Variants in NRXN3 observed in about 807,000 individuals in gnomAD.
The protein encoded by NRXN3 is neurexin 3.
In NRXN3, 32 loss-of-function variants were observed where a neutral mutation model predicts 137.6. The ratio of observed to expected loss-of-function variants is 0.23; its 90% CI spans 0.18 to 0.31. The LOEUF (loss-of-function observed/expected upper bound fraction) is 0.31, where lower values mean the gene tolerates loss of function less well. Ranked by LOEUF, NRXN3 falls within the 10% of genes least tolerant of loss-of-function variation. The pLI, the probability that NRXN3 is intolerant of heterozygous loss-of-function variation, is 1.00. For synonymous variants in NRXN3, 798 were observed against 784.5 expected (o/e 1.02, Z -0.29); for missense variants, 1,574 against 2,062.5 (o/e 0.76, Z 4.59).
At chr14:79,189,050 G>A (rs1410548831) in intron 15 of NRXN3, among the ~76,000 whole-genome samples, 1 of 151,920 alleles carries the variant, frequency 6.6e-6, no homozygotes, top group Non-Finnish European at 1.5e-5. Context: ...TATACCCAAA[G>A]GACTATAAAT....
At chr14:79,606,097 A>C (rs2098011095) in intron 16 of NRXN3, among the ~76,000 whole-genome samples, 1 of 152,148 alleles carries the variant, frequency 6.6e-6, no homozygotes, top group African/African-American at 2.4e-5. Context: ...AAGCCTCCAA[A>C]AACCCACTCA....
At chr14:78,204,750 G>A (rs915457319) in intron 1 of NRXN3, among the ~76,000 whole-genome samples, 9 of 152,104 alleles carry the variant, frequency 5.9e-5, no homozygotes, top group African/African-American at 2.2e-4. Context: ...TTTCTAGCAG[G>A]CACATGTATT....
intron 15 of NRXN3, among the ~76,000 whole-genome samples, chr14:79,287,369 G>C (rs558154732): frequency 1.1e-4 from 17 of 152,300 alleles, no homozygotes; most frequent in African/African-American, 2.9e-4. Context: ...ATTCAGTAAA[G>C]TGAAAAGAGA....
chr14:78,434,024 G>A (rs1210303846), intron 4 of NRXN3, among the ~76,000 whole-genome samples: 2 of 152,092 alleles, frequency 1.3e-5, no homozygotes, highest in African/African-American at 4.8e-5. Context: ...CCCAGCCTAC[G>A]TTAAACATGC....
intron 15 of NRXN3, among the ~76,000 whole-genome samples, chr14:78,988,764 T>TAC (rs1491102470): frequency 7.3e-5 from 4 of 54,944 alleles, no homozygotes; most frequent in African/African-American, 5.6e-4. Flanking sequence ...TGTATGTGTG[T>TAC]ATATATATGT....
chr14:78,191,203 T>C (rs1369152943), intron 1 of NRXN3, among the ~76,000 whole-genome samples: 1 of 152,126 alleles, frequency 6.6e-6, no homozygotes, highest in Non-Finnish European at 1.5e-5. Flanking sequence ...GGGATGACCA[T>C]TGGTGAAGGA....
intron 4 of NRXN3, among the ~76,000 whole-genome samples, chr14:78,644,800 G>C (rs1329430277): frequency 6.6e-6 from 1 of 152,124 alleles, no homozygotes; most frequent in African/African-American, 2.4e-5. Context: ...AAAGCAACTC[G>C]AGCCTCACTT....
chr14:79,685,428 GA>G (rs200941026), intron 17 of NRXN3, among the ~76,000 whole-genome samples: 165 of 150,918 alleles, frequency 1.1e-3, no homozygotes, highest in Non-Finnish European at 1.5e-3. Flanking sequence ...ATTGTGGAAG[GA>G]AAAAAAAAGT....
At chr14:79,676,172 G>A (rs1479978581) in intron 17 of NRXN3, among the ~76,000 whole-genome samples, 1 of 151,972 alleles carries the variant, frequency 6.6e-6, no homozygotes, top group Non-Finnish European at 1.5e-5. Context: ...ATGTTCTGAG[G>A]ATGGACTAGC....
chr14:78,893,160 T>C (rs961919427), intron 10 of NRXN3, among the ~76,000 whole-genome samples: 3 of 151,928 alleles, frequency 2.0e-5, no homozygotes, highest in African/African-American at 7.2e-5. Flanking sequence ...TCAGCCTGTA[T>C]ATTTCAATCT....
chr14:78,538,225 T>C (rs926540350), intron 4 of NRXN3, among the ~76,000 whole-genome samples: 2 of 152,248 alleles, frequency 1.3e-5, no homozygotes, highest in African/African-American at 4.8e-5. Context: ...TTTCACGATA[T>C]TGATTCTTCC....
At chr14:78,682,672 A>G (rs887279509) in intron 6 of NRXN3, among the ~76,000 whole-genome samples, 20 of 151,970 alleles carry the variant, frequency 1.3e-4, no homozygotes, top group Non-Finnish European at 4.4e-5. Context: ...ACTCTAGGAG[A>G]CAGATACTAC....
At chr14:79,478,282 G>A (rs1054643916) in intron 16 of NRXN3, among the ~76,000 whole-genome samples, 1 of 151,432 alleles carries the variant, frequency 6.6e-6, no homozygotes, top group African/African-American at 2.4e-5. Flanking sequence ...AAGGCTAGAG[G>A]GTAGGGGATA....
At chr14:78,312,413 A>T (rs2078077674) in intron 4 of NRXN3, among the ~76,000 whole-genome samples, 2 of 152,184 alleles carry the variant, frequency 1.3e-5, no homozygotes, top group African/African-American at 4.8e-5. Context: ...TTGCTGTCCC[A>T]TGTTGACTAT....
chr14:78,778,678 T>TCTTCTTTC (rs1555489567), intron 8 of NRXN3, among the ~76,000 whole-genome samples: 10 of 114,524 alleles, frequency 8.7e-5, no homozygotes, highest in African/African-American at 3.6e-4. Context: ...TTCTCTTTTC[T>TCTTCTTTC]TTTCTTTCTT....
intron 8 of NRXN3, among the ~76,000 whole-genome samples, chr14:78,772,890 C>T (rs909627057): frequency 2.0e-5 from 3 of 152,116 alleles, no homozygotes; most frequent in Admixed American, 2.0e-4. Context: ...AAACTTCTAC[C>T]CCTAAACATT....
intron 6 of NRXN3, among the ~76,000 whole-genome samples, chr14:78,666,774 G>A (rs906842108): frequency 6.6e-6 from 1 of 151,948 alleles, no homozygotes; most frequent in African/African-American, 2.4e-5. Context: ...TGTTCTCTCT[G>A]CTTTCTTTCC....
At chr14:78,983,491 A>G (rs568277682) in intron 14 of NRXN3, among the ~76,000 whole-genome samples, 1 of 152,152 alleles carries the variant, frequency 6.6e-6, no homozygotes, top group Non-Finnish European at 1.5e-5. Flanking sequence ...TTGTTTTCTT[A>G]CTATTGAGTT....
chr14:78,867,905 CTTCT>C (rs2099091282), intron 10 of NRXN3, among the ~76,000 whole-genome samples: 1 of 150,164 alleles, frequency 6.7e-6, no homozygotes. Flanking sequence ...TAAATATATG[CTTCT>C]TTATGAATGA....
Sources: gnomAD v4.1 joint callset for allele counts (sites outside exome capture counted in the v4.1 genomes callset) on GRCh38, gnomAD v4.1.1 for gene constraint, MANE v1.5 for transcripts, NCBI Gene and HGNC (gene_info 2026-07-23, HGNC 2026-07-21) for gene names.